CEP20: variants seen among roughly 807,000 people sequenced by gnomAD.
CEP20 encodes centrosomal protein 20, also known as FGFR1OP N-terminal like.
Under a neutral mutation model 20.0 loss-of-function variants are expected in CEP20, and 18 were observed. The ratio of observed to expected loss-of-function variants is 0.90; its 90% CI spans 0.62 to 1.34. The LOEUF is 1.34. Among genes scored for constraint, CEP20 ranks in the 40% most tolerant of loss-of-function variants. CEP20 has a pLI of 0.00. For synonymous variants in CEP20, 77 were observed against 73.7 expected (o/e 1.04, Z -0.23); for missense variants, 215 against 201.6 (o/e 1.07, Z -0.40).
chr16:15,869,143 T>C (rs1016566481), intron 4 of CEP20, among the ~76,000 whole-genome samples: 8 of 151,994 alleles, frequency 5.3e-5, no homozygotes, highest in African/African-American at 1.7e-4. Flanking sequence ...AAAACTACTT[T>C]GCCTTCAAGA....
intron 3 of CEP20, among the ~76,000 whole-genome samples, chr16:15,879,469 G>A (rs981012413): frequency 2.6e-5 from 4 of 152,094 alleles, no homozygotes; most frequent in Admixed American, 6.6e-5. Flanking sequence ...GCAAAAAAGC[G>A]AGGCCTTGCC....
At chr16:15,876,045 C>T (rs1011576262) in intron 3 of CEP20, among the ~76,000 whole-genome samples, 4 of 145,434 alleles carry the variant, frequency 2.8e-5, no homozygotes, top group African/African-American at 1.0e-4. Context: ...TTGCAGTGAG[C>T]TGAGATCATG....
chr16:15,868,595 G>T (rs1312752422), intron 4 of CEP20, among the ~76,000 whole-genome samples: 1 of 152,040 alleles, frequency 6.6e-6, no homozygotes, highest in Non-Finnish European at 1.5e-5. Flanking sequence ...ATTTAGATAA[G>T]CTGCTAGAAA....
chr16:15,888,599 C>G lies in CEP20; in HGVS notation c.-14G>C, dbSNP rs747308287. On this transcript the variant is annotated 5_prime_UTR_variant, in exon 1 of 5. Transcript: ENST00000255759. ...CACAGTCGCCATTTTTCAACGGCCG[C>G]CAGGGCCGCACCGCGGCCCTGCGCA... is the stretch of plus-strand genomic sequence containing the variant. 35 of 1,613,920 alleles carry G rather than the reference C, an allele frequency of 2.2e-5. No homozygotes were observed. The highest frequency in any genetic ancestry group is 2.9e-5 in the Non-Finnish European group (34 of 1,179,962).
Position 15,867,238 on chromosome 16 carries a change from T to C in CEP20, c.*202A>G, listed in dbSNP as rs1052678867. 14 of 441,990 alleles carry C rather than the reference T, an allele frequency of 3.2e-5. No homozygotes were observed. The East Asian group carries it at 4.5e-4, about 14-fold the overall frequency. 27.4% of individuals were successfully genotyped at this position (441,990 alleles called of 1,614,324 possible). A position where few individuals can be genotyped will look rare whatever the true frequency, so the allele number is the denominator to read the frequency against. ...AACAAAAAATACTTCGTAAAAACAA[T>C]ACTTTTTTTTTCAAGTCAAATCCAA... On this transcript the variant is annotated 3_prime_UTR_variant, in exon 5 of 5. Transcript: ENST00000255759.
rs1567243153 is a variant in CEP20, at chr16:15,884,096, C to T, written c.138G>A (p.Leu46=). ...LDDDREPRPS[L]SHENLLINEL... Reference sequence around the variant, plus strand: ...CATTAATTAGAAGGTTTTCATGAGACAATGATGGTCGGGGTTCACGGTCAT... The same window carrying T: ...CATTAATTAGAAGGTTTTCATGAGATAATGATGGTCGGGGTTCACGGTCAT... Residue 46 remains leucine (L), a synonymous_variant, in exon 2 of 5, where the codon TTG becomes TTA. Coordinates refer to ENST00000255759, the MANE Select transcript of CEP20 (RefSeq NM_144600.4). 6.2e-7 allele frequency: 1 copy of T among 1,614,058 alleles called. No homozygotes were observed.
chr16:15,884,227 G>A (rs752408620), intron 1 of CEP20, 22 bp from the exon 2 acceptor site: 2 of 1,577,314 alleles, frequency 1.3e-6, no homozygotes, highest in Non-Finnish European at 1.7e-6. Flanking sequence ...AAAATATTAA[G>A]GCTTCAGTTA....
intron 4 of CEP20, among the ~76,000 whole-genome samples, chr16:15,870,654 A>C (rs532052887): frequency 6.6e-6 from 1 of 152,214 alleles, no homozygotes; most frequent in Non-Finnish European, 1.5e-5. Flanking sequence ...CTGACTGCAA[A>C]AAATTAAAAA....
intron 3 of CEP20, among the ~76,000 whole-genome samples, chr16:15,876,852 CTTTT>C (rs150019067): frequency 1.5e-5 from 2 of 135,952 alleles, no homozygotes; most frequent in African/African-American, 2.7e-5. Flanking sequence ...CTCAAACTTA[CTTTT>C]TTTTTTTTTT....
intron 3 of CEP20, among the ~76,000 whole-genome samples, chr16:15,875,395 G>C (rs60032350): frequency 1.3e-5 from 2 of 152,064 alleles, no homozygotes; most frequent in African/African-American, 2.4e-5. Flanking sequence ...GGGGGCTCAG[G>C]CCTGTAATCC....
At chr16:15,879,589 AAAG>A (rs760538524) in intron 3 of CEP20, among the ~76,000 whole-genome samples, 40 of 152,202 alleles carry the variant, frequency 2.6e-4, no homozygotes, top group Non-Finnish European at 4.0e-4. Context: ...CTAACTCCAG[AAAG>A]AAGATGCTGA....
At chr16:15,875,019 T>C (rs1435678043) in intron 3 of CEP20, among the ~76,000 whole-genome samples, 1 of 152,184 alleles carries the variant, frequency 6.6e-6, no homozygotes, top group Non-Finnish European at 1.5e-5. Flanking sequence ...ACTACAACCC[T>C]GGCTGGCATC....
In CEP20 at chr16:15,866,251, A is replaced by C. The variant is rs572501483; in HGVS notation, c.*1189T>G. 4 of 152,362 alleles carry C rather than the reference A, an allele frequency of 2.6e-5. No individual in the cohort carries two copies. In the South Asian group the frequency reaches 8.3e-4, roughly 32 times the overall value. 9.4% of individuals were successfully genotyped at this position (152,362 alleles called of 1,614,324 possible). ...CAAACAGAAAATCAAAAGTTTCAAC[A>C]ATTTGCAAAGCAGCACAGAATTGAC... is the stretch of plus-strand genomic sequence containing the variant. On this transcript the variant is annotated 3_prime_UTR_variant, in exon 5 of 5. Coordinates refer to ENST00000255759, the MANE Select transcript of CEP20 (RefSeq NM_144600.4).
intron 4 of CEP20, among the ~76,000 whole-genome samples, chr16:15,872,598 A>T (rs1231828890): frequency 6.6e-6 from 1 of 152,070 alleles, no homozygotes. Context: ...CTACTTGGGA[A>T]GCTGAGGCAA....
Position 15,873,600 on chromosome 16 carries a change from A to G in CEP20, c.339T>C (p.His113=). 6.2e-7 allele frequency: 1 copy of G among 1,614,002 alleles called. No homozygotes were observed. The change falls in exon 4 of 5, where the codon CAT becomes CAC. Residue 113 remains histidine (H), a synonymous_variant. Transcript: ENST00000255759. Reference sequence around the variant, plus strand: ...TGCCATCCTTAGTTCCACGCAAGAAATGGGCTAAAATCCCATATAAAAGAG... The same window carrying G: ...TGCCATCCTTAGTTCCACGCAAGAAGTGGGCTAAAATCCCATATAAAAGAG... ...TIPLLYGILA[H]FLRGTKDGIQ...
At chr16:15,873,373 T>C in intron 4 of CEP20, 118 bp downstream of exon 4, 1 of 1,223,592 alleles carries the variant, frequency 8.2e-7, no homozygotes. Flanking sequence ...CTAGACATAT[T>C]AGATATAAGC....
chr16:15,871,774 T>C (rs1304269551), intron 4 of CEP20, among the ~76,000 whole-genome samples: 3 of 152,164 alleles, frequency 2.0e-5, no homozygotes, highest in African/African-American at 7.2e-5. Context: ...TAGAAAGATA[T>C]CTCCTAGTGC....
intron 3 of CEP20, among the ~76,000 whole-genome samples, chr16:15,877,818 G>A (rs576889701): frequency 6.6e-6 from 1 of 150,770 alleles, no homozygotes; most frequent in South Asian, 2.1e-4. Flanking sequence ...ACTTTGGGAG[G>A]TGGAGGTGGG....
rs753574309 is a variant in CEP20 at position 15,888,589 on chromosome 16, T to A, written c.-4A>T. On this transcript the variant is annotated 5_prime_UTR_variant, in exon 1 of 5. Coordinates refer to ENST00000255759, the MANE Select transcript of CEP20 (RefSeq NM_144600.4). Reference sequence around the variant, plus strand: ...TCAACTCTGCCACAGTCGCCATTTTTCAACGGCCGCCAGGGCCGCACCGCG... The same window carrying A: ...TCAACTCTGCCACAGTCGCCATTTTACAACGGCCGCCAGGGCCGCACCGCG... The A allele has an allele frequency of 6.2e-7, 1 of 1,614,080 alleles. No individual in the cohort carries two copies. Among genetic ancestry groups the A allele is most frequent in the Non-Finnish European group, 8.5e-7 (1 of 1,179,984 alleles).
Sources: gnomAD v4.1 joint callset for allele counts (sites outside exome capture counted in the v4.1 genomes callset) on GRCh38, gnomAD v4.1.1 for gene constraint, MANE v1.5 for transcripts, NCBI Gene and HGNC (gene_info 2026-07-23, HGNC 2026-07-21) for gene names.